Variants in HK2 observed in about 807,000 individuals in gnomAD.
HK2 encodes hexokinase-2.
Under a neutral mutation model 92.9 loss-of-function variants are expected in HK2, and 42 were observed. The ratio of observed to expected loss-of-function variants is 0.45; its 90% CI spans 0.35 to 0.58. The LOEUF is 0.58. Ranked by LOEUF, HK2 falls within the 20% of genes least tolerant of loss-of-function variation. HK2 has a pLI of 0.00. For synonymous variants in HK2, 422 were observed against 468.0 expected (o/e 0.90, Z 1.27); for missense variants, 978 against 1,245.1 (o/e 0.79, Z 3.23).
At chr2:74,837,765 T>G (rs1202518278) in intron 1 of HK2, among the ~76,000 whole-genome samples, 1 of 145,156 alleles carries the variant, frequency 6.9e-6, no homozygotes, top group Non-Finnish European at 1.5e-5. Context: ...AACCTCTGCC[T>G]CCCAGGTTCA....
chr2:74,852,436 T>G (rs1482128234), intron 1 of HK2, among the ~76,000 whole-genome samples: 11 of 152,198 alleles, frequency 7.2e-5, no homozygotes, highest in African/African-American at 2.7e-4. Context: ...GGGCCTTGTC[T>G]AGTGTCAGGC....
rs771493318 is a variant in HK2, at chr2:74,880,488, C to T, written c.1489C>T (p.Arg497Ter). ...GAGGAGGATGAAGGTAGAAATGGAG[C>T]GAGGTCTGAGCAAGGAGACTCATGC... ...VKRRMKVEME[R>*]GLSKETHASA... Residue 497 changes from arginine (R) to a stop codon, truncating the protein, a stop_gained, in exon 10 of 18, where the codon CGA (arginine) becomes TGA (stop). Transcript: ENST00000290573. LOFTEE classifies it high-confidence loss of function. 4 of 1,614,166 alleles carry T rather than the reference C, an allele frequency of 2.5e-6. No individual in the cohort carries two copies. Among genetic ancestry groups the T allele is most frequent in the African/African-American group, 1.3e-5 (1 of 75,034 alleles).
chr2:74,880,213 C>T, intron 9 of HK2, 52 bp from the exon 10 acceptor site: 1 of 1,595,848 alleles, frequency 6.3e-7, no homozygotes, highest in Non-Finnish European at 8.6e-7. Context: ...CTATTTGCAC[C>T]ATTGACCCTA....
intron 1 of HK2, among the ~76,000 whole-genome samples, chr2:74,837,526 C>G (rs1573348122): frequency 6.6e-6 from 1 of 152,188 alleles, no homozygotes; most frequent in Non-Finnish European, 1.5e-5. Context: ...CCCTAAAACT[C>G]TTTCTGGAGC....
intron 13 of HK2, 50 bp from the exon 14 acceptor site, chr2:74,886,244 A>G (rs1482696959): frequency 2.1e-5 from 27 of 1,299,140 alleles, no homozygotes; most frequent in Non-Finnish European, 2.9e-5. Context: ...GTCTGAAAGG[A>G]GAATATTGGG....
chr2:74,861,415 GAA>G (rs199689093), intron 2 of HK2, among the ~76,000 whole-genome samples: 1 of 134,460 alleles, frequency 7.4e-6, no homozygotes, highest in African/African-American at 2.8e-5. Context: ...GTGAGACTCC[GAA>G]AAAAAAAAAA....
rs1688993212 is a variant in HK2 at position 74,867,745 on chromosome 2, T to C, written c.336T>C (p.Tyr112=). ...AGGTGGAGATGGAGAATCAGATCTA[T>C]GCCATCCCTGAGGACATCATGCGAG... ...LQKVEMENQI[Y]AIPEDIMRGS... The change falls in exon 3 of 18, where the codon TAT becomes TAC. Residue 112 remains tyrosine (Y), a synonymous_variant. Coordinates refer to ENST00000290573, the MANE Select transcript of HK2 (RefSeq NM_000189.5). The C allele has an allele frequency of 6.8e-6, 11 of 1,614,174 alleles. No homozygotes were observed. The highest frequency in any genetic ancestry group is 4.0e-5 in the African/African-American group (3 of 75,052).
chr2:74,874,520 AG>A, intron 7 of HK2, 71 bp downstream of exon 7: 3 of 1,448,880 alleles, frequency 2.1e-6, no homozygotes, highest in Admixed American at 2.1e-5. Flanking sequence ...GGTCGGGGCC[AG>A]GGGGTTGTTT....
At chr2:74,843,530 G>T (rs1188789792) in intron 1 of HK2, among the ~76,000 whole-genome samples, 2 of 152,062 alleles carry the variant, frequency 1.3e-5, no homozygotes, top group African/African-American at 4.8e-5. Context: ...TTCCTGCCTT[G>T]GTTAAATCTT....
Position 74,891,077 on chromosome 2 carries a change from G to A in HK2, c.*136G>A. On this transcript the variant is annotated 3_prime_UTR_variant, in exon 18 of 18. Coordinates refer to ENST00000290573, the MANE Select transcript of HK2 (RefSeq NM_000189.5). ...AGAGGACCCCACTGGACTGGGTTTTGTCTCTGCATCTCATTGTAGAGCTTG... is the reference window on the plus strand; with the variant it reads ...AGAGGACCCCACTGGACTGGGTTTTATCTCTGCATCTCATTGTAGAGCTTG... The A allele has an allele frequency of 1.0e-6, 1 of 979,668 alleles. No individual in the cohort carries two copies. Among genetic ancestry groups the A allele is most frequent in the African/African-American group, 1.6e-5 (1 of 62,244 alleles). 60.7% of individuals were successfully genotyped at this position (979,668 alleles called of 1,614,324 possible).
chr2:74,866,548 C>A (rs1037785452), intron 2 of HK2, among the ~76,000 whole-genome samples: 5 of 152,172 alleles, frequency 3.3e-5, no homozygotes, highest in African/African-American at 9.7e-5. Flanking sequence ...TGGGGCCCTT[C>A]CCCATAGTCG....
At chr2:74,869,527 C>T (rs765173362) in intron 3 of HK2, among the ~76,000 whole-genome samples, 3 of 152,198 alleles carry the variant, frequency 2.0e-5, no homozygotes, top group Non-Finnish European at 4.4e-5. Flanking sequence ...AATGGGGGTC[C>T]TTCGGTAAAG....
At chr2:74,875,164 CT>C (rs1357512080) in intron 7 of HK2, among the ~76,000 whole-genome samples, 3 of 152,146 alleles carry the variant, frequency 2.0e-5, no homozygotes, top group African/African-American at 4.8e-5. Context: ...ACAGGGATTG[CT>C]TCAAGGTCTG....
chr2:74,846,608 G>A (rs955109505), intron 1 of HK2, among the ~76,000 whole-genome samples: 1 of 152,206 alleles, frequency 6.6e-6, no homozygotes, highest in Non-Finnish European at 1.5e-5. Context: ...GCATGTAGTG[G>A]TAGGTGGTGC....
At chr2:74,848,915 A>C (rs1280646586) in intron 1 of HK2, among the ~76,000 whole-genome samples, 1 of 152,122 alleles carries the variant, frequency 6.6e-6, no homozygotes, top group Non-Finnish European at 1.5e-5. Flanking sequence ...CAACTGTGTG[A>C]CCTGGGTCGA....
chr2:74,839,951 C>CTTTTT (rs773321768), intron 1 of HK2, among the ~76,000 whole-genome samples: 1 of 97,050 alleles, frequency 1.0e-5, no homozygotes, highest in Non-Finnish European at 2.1e-5. Flanking sequence ...TGCGCCTGGC[C>CTTTTT]TTTTTTTTTT....
In HK2 at chr2:74,878,734, G is replaced by T; in HGVS notation, c.1078G>T (p.Gly360Cys). 6.2e-7 allele frequency: 1 copy of T among 1,606,618 alleles called. No individual in the cohort carries two copies. Among genetic ancestry groups the T allele is most frequent in the Non-Finnish European group, 8.5e-7 (1 of 1,176,660 alleles). Reference sequence around the variant, plus strand: ...GGCCCGTGAGGTCCTGATGCGGTTGGGCCTGGACCCGACTCAGGAGGACTG... The same window carrying T: ...GGCCCGTGAGGTCCTGATGCGGTTGTGCCTGGACCCGACTCAGGAGGACTG... ...RKAREVLMRLGLDPTQEDCVA... is the reference protein window; with the variant it reads ...RKAREVLMRLCLDPTQEDCVA... Residue 360 changes from glycine (G) to cysteine (C), a missense_variant, in exon 9 of 18, where the codon GGC becomes TGC. Coordinates refer to ENST00000290573, the MANE Select transcript of HK2 (RefSeq NM_000189.5).
intron 12 of HK2, among the ~76,000 whole-genome samples, chr2:74,882,767 G>A (rs1308338274): frequency 2.0e-5 from 3 of 151,722 alleles, no homozygotes; most frequent in Admixed American, 6.6e-5. Context: ...GAGGTGCTGG[G>A]TGTCTTGCTC....
intron 1 of HK2, among the ~76,000 whole-genome samples, chr2:74,835,791 C>G (rs988000153): frequency 5.3e-5 from 8 of 152,198 alleles, no homozygotes; most frequent in African/African-American, 1.9e-4. Context: ...GGCAACGGAG[C>G]GTTGCTCAGT....
Sources: allele counts gnomAD v4.1 joint callset (sites outside exome capture counted in the v4.1 genomes callset), GRCh38; gene constraint gnomAD v4.1.1; transcripts MANE v1.5; gene names NCBI Gene and HGNC (gene_info 2026-07-23, HGNC 2026-07-21).